DLGAP2: variants seen among roughly 807,000 people sequenced by gnomAD.
DLGAP2 encodes DLG associated protein 2.
In DLGAP2, 26 loss-of-function variants were observed where a neutral mutation model predicts 100.3. The ratio of observed to expected loss-of-function variants is 0.26; its 90% CI spans 0.19 to 0.36. The LOEUF (loss-of-function observed/expected upper bound fraction) is 0.36, where lower values mean the gene tolerates loss of function less well. DLGAP2 is among the 10% of genes least tolerant of loss of function. DLGAP2 has a pLI of 1.00. For synonymous variants in DLGAP2, 886 were observed against 630.1 expected (o/e 1.41, Z -6.08); for missense variants, 1,858 against 1,453.2 (o/e 1.28, Z -4.53).
At chr8:1,066,755 G>A (rs184492508) in intron 2 of DLGAP2, among the ~76,000 whole-genome samples, 10 of 152,344 alleles carry the variant, frequency 6.6e-5, no homozygotes, top group Middle Eastern at 3.4e-3. Context: ...GCCTCCACAC[G>A]CGGCACCTCC....
chr8:1,443,278 G>A (rs371474243), intron 3 of DLGAP2, among the ~76,000 whole-genome samples: 2 of 151,584 alleles, frequency 1.3e-5, no homozygotes, highest in African/African-American at 4.9e-5. Flanking sequence ...AATACTTCCA[G>A]CCTTCCCTCC....
chr8:1,372,120 C>A (rs1277676773), intron 3 of DLGAP2, among the ~76,000 whole-genome samples: 1 of 152,162 alleles, frequency 6.6e-6, no homozygotes, highest in African/African-American at 2.4e-5. Context: ...GGACCTGGGC[C>A]CTCACCTGCA....
chr8:757,965 G>C (rs1024576700), intron 1 of DLGAP2, among the ~76,000 whole-genome samples: 2 of 152,188 alleles, frequency 1.3e-5, no homozygotes, highest in Admixed American at 6.5e-5. Context: ...GTGGGGTTGA[G>C]TCCTGGTGCT....
chr8:1,211,811 G>T (rs1164467315), intron 2 of DLGAP2, among the ~76,000 whole-genome samples: 1 of 152,230 alleles, frequency 6.6e-6, no homozygotes, highest in Non-Finnish European at 1.5e-5. Context: ...GGAGGTGGAG[G>T]TTGCAGTGAG....
chr8:1,410,259 C>G (rs1349629630), intron 3 of DLGAP2, among the ~76,000 whole-genome samples: 2 of 152,172 alleles, frequency 1.3e-5, no homozygotes, highest in East Asian at 1.9e-4. Context: ...CATTGTGAGG[C>G]ACTGGCAATG....
intron 4 of DLGAP2, among the ~76,000 whole-genome samples, chr8:1,511,428 TCAGTAGATGACCATCTTCCATGGAC>T (rs1410846426): frequency 0.016 from 2,388 of 145,140 alleles, 107 homozygotes; most frequent in African/African-American, 0.017. Flanking sequence ...TGTAGGACAA[TCAGTAGATGACCATCTTCCATGGAC>T]GTAAGGGCTG....
chr8:804,021 G>T (rs1379379032), intron 1 of DLGAP2, among the ~76,000 whole-genome samples: 1 of 152,114 alleles, frequency 6.6e-6, no homozygotes, highest in Non-Finnish European at 1.5e-5. Context: ...GGGGGGTGTG[G>T]ATTTTAGATT....
chr8:1,018,871 C>A (rs1159054236), intron 2 of DLGAP2: 2 of 152,132 alleles, frequency 1.3e-5, no homozygotes, highest in Non-Finnish European at 2.9e-5. Context: ...TCGCTCAAAT[C>A]CAGTTTGTGC....
intron 3 of DLGAP2, among the ~76,000 whole-genome samples, chr8:1,443,215 G>T (rs1054547571): frequency 6.6e-6 from 1 of 151,994 alleles, no homozygotes; most frequent in African/African-American, 2.4e-5. Context: ...TAATCCCAGC[G>T]CCCAGCCTTC....
Position 817,714 on chromosome 8 carries a change from C to G in DLGAP2, c.18+79889C>G, listed in dbSNP as rs371008489. On this transcript the variant is annotated intron_variant, in intron 1 of 14. Coordinates refer to ENST00000637795, the MANE Select transcript of DLGAP2 (RefSeq NM_001346810.2). Reference sequence around the variant, plus strand: ...GGTATGTGGCTTCCTGAGAACCAAACTGTAGTGATTGTTTTTGCTCTTCTG... The same window carrying G: ...GGTATGTGGCTTCCTGAGAACCAAAGTGTAGTGATTGTTTTTGCTCTTCTG... 7.9e-5 allele frequency among the ~76,000 whole-genome samples: 12 copies of G among 152,308 alleles called. No homozygotes were observed. The East Asian group carries it at 2.3e-3, about 29-fold the overall frequency.
intron 12 of DLGAP2, among the ~76,000 whole-genome samples, chr8:1,691,024 C>G (rs996847941): frequency 6.6e-6 from 1 of 152,162 alleles, no homozygotes; most frequent in Non-Finnish European, 1.5e-5. Flanking sequence ...ACAGCACTGC[C>G]AGGAGATAAC....
chr8:917,419 A>T (rs186672197), intron 2 of DLGAP2, among the ~76,000 whole-genome samples: 1 of 152,044 alleles, frequency 6.6e-6, no homozygotes, highest in East Asian at 1.9e-4. Flanking sequence ...TTGAATTTTT[A>T]TAGAGGTGAA....
intron 2 of DLGAP2, among the ~76,000 whole-genome samples, chr8:1,061,860 C>T (rs1803093785): frequency 6.6e-6 from 1 of 152,032 alleles, no homozygotes; most frequent in African/African-American, 2.4e-5. Context: ...AGGAGCTGCT[C>T]TGTGTGGACG....
chr8:1,686,683 A>C (rs1006220187), intron 12 of DLGAP2, among the ~76,000 whole-genome samples: 6 of 152,162 alleles, frequency 3.9e-5, no homozygotes, highest in Admixed American at 3.9e-4. Context: ...CAAAAAAAAA[A>C]AGCAGAGCTC....
intron 2 of DLGAP2, among the ~76,000 whole-genome samples, chr8:980,609 C>G (rs764347366): frequency 2.6e-5 from 4 of 152,188 alleles, no homozygotes; most frequent in Admixed American, 1.3e-4. Flanking sequence ...GCGCTGAACT[C>G]TGTTGACACA....
At chr8:1,069,289 G>A (rs1803355204) in intron 2 of DLGAP2, among the ~76,000 whole-genome samples, 1 of 152,144 alleles carries the variant, frequency 6.6e-6, no homozygotes, top group Admixed American at 6.5e-5. Flanking sequence ...GGACAGAGCT[G>A]GGGCCCCTGG....
At chr8:1,488,525 C>G (rs562306059) in intron 3 of DLGAP2, among the ~76,000 whole-genome samples, 3 of 152,296 alleles carry the variant, frequency 2.0e-5, no homozygotes, top group South Asian at 4.1e-4. Context: ...TTTTGCAAAG[C>G]CTGGTCCTAA....
chr8:1,681,372 C>CTTTGTGAGG (rs1798940357), intron 12 of DLGAP2, among the ~76,000 whole-genome samples: 1 of 152,070 alleles, frequency 6.6e-6, no homozygotes, highest in Non-Finnish European at 1.5e-5. Context: ...GTGGCTCACA[C>CTTTGTGAGG]CTGTAATCCC....
intron 2 of DLGAP2, chr8:1,032,598 CCA>C (rs1802007338): frequency 6.6e-6 from 1 of 152,090 alleles, no homozygotes; most frequent in Non-Finnish European, 1.5e-5. Flanking sequence ...CTGCTGTGTG[CCA>C]AAATATTTTA....
Sources: allele counts gnomAD v4.1 joint callset (sites outside exome capture counted in the v4.1 genomes callset), GRCh38; gene constraint gnomAD v4.1.1; transcripts MANE v1.5; gene names NCBI Gene and HGNC (gene_info 2026-07-23, HGNC 2026-07-21).